FILIP1: variants seen among roughly 807,000 people sequenced by gnomAD.
The protein encoded by FILIP1 is filamin A interacting protein 1.
Under a neutral mutation model 102.1 loss-of-function variants are expected in FILIP1, and 61 were observed. The observed-to-expected ratio is 0.60, with a 90% CI of 0.49 to 0.74. The LOEUF is 0.74. Among genes scored for constraint, FILIP1 ranks in the 30% least tolerant of loss-of-function variants. The pLI, the probability that FILIP1 is intolerant of heterozygous loss-of-function variation, is 0.00. For missense variants in FILIP1, 1,314 were observed against 1,441.2 expected (o/e 0.91, Z 1.43); for synonymous variants, 491 against 526.9 (o/e 0.93, Z 0.93).
At chr6:75,392,597 A>G (rs1776311563) in intron 2 of FILIP1, among the ~76,000 whole-genome samples, 1 of 152,106 alleles carries the variant, frequency 6.6e-6, no homozygotes, top group Admixed American at 6.6e-5. Context: ...CAGCAAATAC[A>G]ATGAGCTCTT....
intron 1 of FILIP1, among the ~76,000 whole-genome samples, chr6:75,485,888 C>A (rs1011417809): frequency 1.3e-5 from 2 of 151,498 alleles, no homozygotes; most frequent in Admixed American, 6.6e-5. Flanking sequence ...AACTCACTAC[C>A]AAAACAAAGT....
intron 6 of FILIP1, among the ~76,000 whole-genome samples, chr6:75,298,637 C>T (rs952608200): frequency 6.6e-6 from 1 of 152,144 alleles, no homozygotes; most frequent in Non-Finnish European, 1.5e-5. Flanking sequence ...TGCTTTAAAG[C>T]CAGGCTTGGT....
At chr6:75,444,403 CAG>C (rs1394861139) in intron 1 of FILIP1, among the ~76,000 whole-genome samples, 2 of 152,212 alleles carry the variant, frequency 1.3e-5, no homozygotes, top group Non-Finnish European at 2.9e-5. Context: ...ACCAATTTAA[CAG>C]AGAGTTTGTG....
At position 75,475,430 on chromosome 6, in the gene FILIP1, G is replaced by C. The variant is rs184773805; in HGVS notation, c.-7+17984C>G. 4.7e-3 allele frequency among the ~76,000 whole-genome samples: 712 copies of C among 152,200 alleles called. 1 individual carries two copies. The highest frequency in any genetic ancestry group is 0.01 in the Middle Eastern group (3 of 294). On this transcript the variant is annotated intron_variant, in intron 1 of 5. Coordinates refer to ENST00000237172, the MANE Select transcript of FILIP1 (RefSeq NM_015687.5). ...CACAGTACTGGTTGTATTTATGATG[G>C]GTAGCCATCATCCCTTGTTCCACCA...
chr6:75,444,945 A>AT lies in FILIP1; in HGVS notation c.-6-29968dup, dbSNP rs1250209428. ...ACCTGTAATTGTGTAAGTGTTGCTT[A>AT]TATCACCTCAGAACTTGTGACTGAT... On this transcript the variant is annotated intron_variant, in intron 1 of 5. Transcript: ENST00000237172. Among the ~76,000 whole-genome samples, 4 of 152,280 alleles carry AT rather than the reference A, an allele frequency of 2.6e-5. No individual in the cohort carries two copies. In the East Asian group the frequency reaches 7.7e-4, roughly 29 times the overall value.
At chr6:75,434,439 C>G (rs1054617201) in intron 1 of FILIP1, among the ~76,000 whole-genome samples, 10 of 152,098 alleles carry the variant, frequency 6.6e-5, no homozygotes, top group African/African-American at 2.4e-4. Flanking sequence ...GTATTTTATT[C>G]TCTTTGTAGC....
rs756290344 is a variant in FILIP1, at chr6:75,314,767, T to G, written c.1065A>C (p.Ala355=). Residue 355 remains alanine (A), a synonymous_variant, in exon 5 of 6, where the codon GCA becomes GCC. Coordinates refer to ENST00000237172, the MANE Select transcript of FILIP1 (RefSeq NM_015687.5). ...LEETNKNLQK[A]EEELQELRDK... Reference sequence around the variant, plus strand: ...CTCTTAATTCTTGAAGTTCTTCCTCTGCCTTCTGCAGATTTTTGTTGGTCT... The same window carrying G: ...CTCTTAATTCTTGAAGTTCTTCCTCGGCCTTCTGCAGATTTTTGTTGGTCT... 1 of 1,614,206 alleles carries G rather than the reference T, an allele frequency of 6.2e-7. No individual in the cohort carries two copies. Among genetic ancestry groups the G allele is most frequent in the East Asian group, 2.2e-5 (1 of 44,886 alleles).
intron 4 of FILIP1, among the ~76,000 whole-genome samples, chr6:75,338,997 AT>A (rs1346879961): frequency 6.6e-6 from 1 of 152,226 alleles, no homozygotes; most frequent in African/African-American, 2.4e-5. Context: ...TCGATTTTGC[AT>A]TTCTGACATA....
intron 2 of FILIP1, among the ~76,000 whole-genome samples, chr6:75,391,873 C>G (rs1401762724): frequency 6.6e-6 from 1 of 152,128 alleles, no homozygotes; most frequent in Non-Finnish European, 1.5e-5. Flanking sequence ...AATCTCTCCC[C>G]CTAAGTGAGT....
Position 75,314,110 on chromosome 6 carries a change from C to T in FILIP1, c.1722G>A (p.Glu574=), listed in dbSNP as rs761681574. 23 of 1,510,968 alleles carry T rather than the reference C, an allele frequency of 1.5e-5. No individual in the cohort carries two copies. The highest frequency in any genetic ancestry group is 4.7e-5 in the East Asian group (2 of 42,390). The allele number at this position is 1,510,968 out of a possible 1,614,324, so 93.6% of individuals were successfully genotyped here. Reference sequence around the variant, plus strand: ...CTTCACTTTTCAATTTGCCTATCAACTCATCTCTTTCTCTTGTCAAGTTGT... The same window carrying T: ...CTTCACTTTTCAATTTGCCTATCAATTCATCTCTTTCTCTTGTCAAGTTGT... ...KVYNLTRERD[E]LIGKLKSEEE... Residue 574 remains glutamate, a synonymous_variant, in exon 5 of 6, where the codon GAG becomes GAA. Transcript: ENST00000237172.
chr6:75,309,081 C>T (rs796576254), intron 5 of FILIP1, among the ~76,000 whole-genome samples, 184 bp from the exon 6 acceptor site: 10 of 152,182 alleles, frequency 6.6e-5, no homozygotes, highest in South Asian at 4.1e-4. Flanking sequence ...ATCTCCCCTT[C>T]CCTTCACTTA....
downstream of FILIP1, among the ~76,000 whole-genome samples, chr6:75,307,546 G>A (rs1041168310): frequency 1.3e-5 from 2 of 152,146 alleles, no homozygotes; most frequent in African/African-American, 2.4e-5. Flanking sequence ...CCTTGAACTC[G>A]TTTGTGGTTA....
chr6:75,307,639 T>A (rs1475697295), downstream of FILIP1, among the ~76,000 whole-genome samples: 1 of 152,178 alleles, frequency 6.6e-6, no homozygotes, highest in Non-Finnish European at 1.5e-5. Flanking sequence ...CTCTGCTTCA[T>A]GCTTATTAAA....
chr6:75,317,331 T>C (rs1244953115), intron 4 of FILIP1, among the ~76,000 whole-genome samples: 4 of 152,228 alleles, frequency 2.6e-5, no homozygotes, highest in Admixed American at 6.5e-5. Flanking sequence ...AGCTTAGCGT[T>C]CCAATAATGG....
intron 2 of FILIP1, among the ~76,000 whole-genome samples, chr6:75,403,524 A>AAAAAAAAAAAAAAAAAAAG (rs55907855): frequency 3.0e-5 from 4 of 134,728 alleles, no homozygotes; most frequent in African/African-American, 5.7e-5. Flanking sequence ...CAAAAAAAAA[A>AAAAAAAAAAAAAAAAAAAG]AAAAAAGAAA....
chr6:75,315,223 A>G (rs778538012), intron 4 of FILIP1, 21 bp from the exon 5 acceptor site: 13 of 1,458,352 alleles, frequency 8.9e-6, no homozygotes, highest in Non-Finnish European at 1.1e-5. Flanking sequence ...AAATATACCT[A>G]TATGTTAAAA....
Position 75,313,825 on chromosome 6 carries a change from A to T in FILIP1, c.2007T>A (p.Thr669=). Residue 669 remains threonine (T), a synonymous_variant, in exon 5 of 6, where the codon ACT becomes ACA. Coordinates refer to ENST00000237172, the MANE Select transcript of FILIP1 (RefSeq NM_015687.5). The surrounding 1 kb of genome is among the most constrained non-coding windows in gnomAD (Gnocchi z 4.2). ...EYDQLEQKFR[T]EQDKANFLSQ... ...AGAGGAAGTTAGCCTTATCCTGCTC[A>T]GTTCTAAATTTCTGTTCCAGCTGAT... 4.3e-6 allele frequency: 7 copies of T among 1,613,794 alleles called. No individual in the cohort carries two copies. Among genetic ancestry groups the T allele is most frequent in the Non-Finnish European group, 5.1e-6 (6 of 1,179,908 alleles).
intron 4 of FILIP1, among the ~76,000 whole-genome samples, chr6:75,335,912 C>A (rs1774226611): frequency 6.6e-6 from 1 of 152,086 alleles, no homozygotes; most frequent in Admixed American, 6.5e-5. Flanking sequence ...CTCTCAATAG[C>A]CTGAACTGAA....
intron 1 of FILIP1, among the ~76,000 whole-genome samples, chr6:75,485,200 G>A (rs539858426): frequency 4.6e-5 from 7 of 152,294 alleles, no homozygotes; most frequent in South Asian, 4.2e-4. Context: ...GACAGCCTTC[G>A]TGAAATGTAA....
Sources: gnomAD v4.1 joint callset for allele counts (sites outside exome capture counted in the v4.1 genomes callset) on GRCh38, gnomAD v4.1.1 for gene constraint, Gnocchi (gnomAD v3.1) non-coding constraint, MANE v1.5 for transcripts, NCBI Gene and HGNC (gene_info 2026-07-23, HGNC 2026-07-21) for gene names.